Variants in PKNOX1 observed in about 807,000 individuals in gnomAD.
PKNOX1 encodes homeobox protein PKNOX1.
In PKNOX1, 15 loss-of-function variants were observed where a neutral mutation model predicts 51.9. The ratio of observed to expected loss-of-function variants is 0.29; its 90% CI spans 0.19 to 0.45. PKNOX1 has a LOEUF of 0.45. Among genes scored for constraint, PKNOX1 ranks in the 20% least tolerant of loss-of-function variants. The pLI is 1.00. For synonymous variants in PKNOX1, 219 were observed against 211.1 expected (o/e 1.04, Z -0.32); for missense variants, 462 against 547.5 (o/e 0.84, Z 1.56).
intron 1 of PKNOX1, among the ~76,000 whole-genome samples, chr21:42,996,785 C>T: frequency 6.6e-6 from 1 of 152,080 alleles, no homozygotes; most frequent in East Asian, 1.9e-4. Flanking sequence ...CCAGGCTGGT[C>T]TTGAACTCCT....
chr21:43,006,618 G>C (rs918936899), intron 2 of PKNOX1, among the ~76,000 whole-genome samples: 27 of 152,176 alleles, frequency 1.8e-4, no homozygotes, highest in African/African-American at 6.3e-4. Context: ...AGAGCACAGG[G>C]CTGGAGGATG....
In PKNOX1 at chr21:43,030,446, T is replaced by G. The variant is rs545677331; in HGVS notation, c.*345T>G. ...TCTAAACCGTGATGCGGTTGTCACT[T>G]AGTTCTGTGGTTCCAGCAGATCTCA... On this transcript the variant is annotated 3_prime_UTR_variant, in exon 11 of 11. Coordinates refer to ENST00000291547, the MANE Select transcript of PKNOX1 (RefSeq NM_004571.5). The G allele has an allele frequency of 3.0e-4, 51 of 170,034 alleles. No individual in the cohort carries two copies. In the East Asian group the frequency reaches 8.0e-3, roughly 27 times the overall value. The allele number at this position is 170,034 out of a possible 1,614,324, so 10.5% of individuals were successfully genotyped here. A position where few individuals can be genotyped will look rare whatever the true frequency, so the allele number is the denominator to read the frequency against.
At position 43,021,571 on chromosome 21, in the gene PKNOX1, A is replaced by C; in HGVS notation, c.849+140A>C. The C allele has an allele frequency of 1.9e-6, 2 of 1,034,368 alleles. No homozygotes were observed. The highest frequency in any genetic ancestry group is 2.7e-6 in the Non-Finnish European group (2 of 729,708). 64.1% of individuals were successfully genotyped at this position (1,034,368 alleles called of 1,614,324 possible). On this transcript the variant is annotated intron_variant, in intron 8 of 10. Coordinates refer to ENST00000291547, the MANE Select transcript of PKNOX1 (RefSeq NM_004571.5). This position sits in a 1 kb window ranked among gnomAD's most constrained non-coding sequence, Gnocchi z 4.6. ...TTCAGGACTTTGTGGCATGTCCATA[A>C]TGTGGGGAGCGTGGGGCACTGCTGC... is the stretch of plus-strand genomic sequence containing the variant.
In PKNOX1 at chr21:43,021,640, G is replaced by A. The variant is rs901713498; in HGVS notation, c.849+209G>A. Among the ~76,000 whole-genome samples the A allele has an allele frequency of 2.0e-5, 3 of 152,214 alleles. No individual in the cohort carries two copies. Among genetic ancestry groups the A allele is most frequent in the African/African-American group, 4.8e-5 (2 of 41,454 alleles). ...TGAGGGCTGCCGTGAAGGAGCACCC[G>A]AGCACATGTGAGGCGTACACGTGTG... On this transcript the variant is annotated intron_variant, in intron 8 of 10. Coordinates refer to ENST00000291547, the MANE Select transcript of PKNOX1 (RefSeq NM_004571.5). This position sits in a 1 kb window ranked among gnomAD's most constrained non-coding sequence, Gnocchi z 4.6.
At chr21:43,011,580 G>A (rs1478544468) in intron 4 of PKNOX1, among the ~76,000 whole-genome samples, 1 of 152,206 alleles carries the variant, frequency 6.6e-6, no homozygotes, top group Non-Finnish European at 1.5e-5. Context: ...TCTCCTGCCA[G>A]AGTGTAACCA....
chr21:43,009,999 ATTCT>A, intron 3 of PKNOX1, 50 bp from the exon 4 acceptor site: 1 of 1,194,512 alleles, frequency 8.4e-7, no homozygotes, highest in South Asian at 1.6e-5. Context: ...ACGCAAAGAC[ATTCT>A]CACGGAGATG....
intron 4 of PKNOX1, among the ~76,000 whole-genome samples, chr21:43,012,856 C>G (rs1979314997): frequency 6.6e-6 from 1 of 152,202 alleles, no homozygotes; most frequent in Non-Finnish European, 1.5e-5. Flanking sequence ...GCGCCTTTGT[C>G]TTCCCTGCAC....
At chr21:43,003,887 A>G (rs1978871009) in intron 1 of PKNOX1, 1 of 155,436 alleles carries the variant, frequency 6.4e-6, no homozygotes, top group Non-Finnish European at 1.4e-5. Flanking sequence ...GGGTCATAAC[A>G]TACTGTTAAG....
chr21:42,995,014 TG>T (rs1978436026), intron 1 of PKNOX1, among the ~76,000 whole-genome samples: 1 of 148,496 alleles, frequency 6.7e-6, no homozygotes, highest in South Asian at 2.2e-4. Flanking sequence ...CTCCGCCTCC[TG>T]GGTTCAAGCG....
At chr21:43,014,257 G>A (rs999664814) in intron 5 of PKNOX1, among the ~76,000 whole-genome samples, 18 of 151,984 alleles carry the variant, frequency 1.2e-4, no homozygotes, top group Admixed American at 3.9e-4. Flanking sequence ...TCCTGACCTC[G>A]TGATCCGCCC....
intron 2 of PKNOX1, among the ~76,000 whole-genome samples, 171 bp downstream of exon 2, chr21:43,004,603 A>G (rs1301406641): frequency 6.6e-6 from 1 of 152,100 alleles, no homozygotes; most frequent in Non-Finnish European, 1.5e-5. Flanking sequence ...GAATAATACT[A>G]TTTCGTTAAC....
chr21:42,995,571 A>G (rs1343099584), intron 1 of PKNOX1, among the ~76,000 whole-genome samples: 3 of 132,552 alleles, frequency 2.3e-5, no homozygotes, highest in Non-Finnish European at 5.3e-5. Context: ...CTAGCTACTC[A>G]AGAGACTGAA....
intron 4 of PKNOX1, 48 bp from the exon 5 acceptor site, chr21:43,013,020 C>G (rs375876883): frequency 1.3e-6 from 2 of 1,482,464 alleles, no homozygotes; most frequent in East Asian, 2.3e-5. Context: ...TGATAACTTA[C>G]AATAATGCCA....
intron 1 of PKNOX1, among the ~76,000 whole-genome samples, chr21:42,983,224 CA>C (rs1418408514): frequency 5.3e-5 from 8 of 152,118 alleles, no homozygotes; most frequent in African/African-American, 1.9e-4. Context: ...GTACAGCCAT[CA>C]CCACCATCTG....
At chr21:43,012,567 CAA>C (rs1424318017) in intron 4 of PKNOX1, among the ~76,000 whole-genome samples, 1 of 152,114 alleles carries the variant, frequency 6.6e-6, no homozygotes, top group African/African-American at 2.4e-5. Context: ...AACTCTGTCT[CAA>C]AAAACAAAAC....
intron 1 of PKNOX1, among the ~76,000 whole-genome samples, chr21:42,990,110 T>A (rs544075023): frequency 3.6e-5 from 5 of 137,128 alleles, no homozygotes; most frequent in Admixed American, 7.3e-5. Flanking sequence ...AAAAAAAAAA[T>A]AATAATAATA....
chr21:42,987,404 A>AAAAATATAT, intron 1 of PKNOX1, among the ~76,000 whole-genome samples: 17 of 41,402 alleles, frequency 4.1e-4, no homozygotes, highest in South Asian at 7.7e-4. Context: ...AAAAAAAAAA[A>AAAAATATAT]ATATATATAT....
intron 8 of PKNOX1, 162 bp from the exon 9 acceptor site, chr21:43,024,709 A>C (rs1979916857): frequency 1.7e-6 from 1 of 602,754 alleles, no homozygotes; most frequent in East Asian, 2.8e-5. Context: ...TGGGACGAGG[A>C]GAAACACTTT....
At chr21:42,990,078 C>T (rs1254105316) in intron 1 of PKNOX1, among the ~76,000 whole-genome samples, 1 of 141,592 alleles carries the variant, frequency 7.1e-6, no homozygotes, top group African/African-American at 2.7e-5. Flanking sequence ...GCCTGGGCAA[C>T]AGAGCCAGAC....
Sources: allele counts gnomAD v4.1 joint callset (sites outside exome capture counted in the v4.1 genomes callset), GRCh38; gene constraint gnomAD v4.1.1; non-coding constraint Gnocchi (gnomAD v3.1); transcripts MANE v1.5; gene names NCBI Gene and HGNC (gene_info 2026-07-23, HGNC 2026-07-21).